The following CPT1A variants were observed in gnomAD, a reference collection of about 807,000 sequenced individuals.
CPT1A encodes the protein carnitine palmitoyltransferase 1A.
A neutral mutation model predicts 100.8 loss-of-function variants in CPT1A; 64 were observed. The observed-to-expected ratio is 0.63, with a 90% CI of 0.52 to 0.78. The LOEUF is 0.78. Ranked by LOEUF, CPT1A falls within the 30% of genes least tolerant of loss-of-function variation. The pLI is 0.00. For synonymous variants in CPT1A, 363 were observed against 396.0 expected (o/e 0.92, Z 0.99); for missense variants, 802 against 1,034.1 (o/e 0.78, Z 3.08).
At chr11:68,792,207 G>A (rs888962379) in intron 9 of CPT1A, among the ~76,000 whole-genome samples, 1 of 152,054 alleles carries the variant, frequency 6.6e-6, no homozygotes, top group Non-Finnish European at 1.5e-5. Context: ...CGTGGTGGCA[G>A]ACACCTATAG....
In CPT1A at chr11:68,788,170, G is replaced by A. The variant is rs560863515; in HGVS notation, c.968-3160C>T. Among the ~76,000 whole-genome samples the A allele has an allele frequency of 5.3e-5, 8 of 152,208 alleles. No homozygotes were observed. The South Asian group carries it at 6.2e-4, about 12-fold the overall frequency. ...TATGGTGGCCTGGGCAAACTTACACGCTGCATAACCAACACCTTGAAAATA... is the reference window on the plus strand; with the variant it reads ...TATGGTGGCCTGGGCAAACTTACACACTGCATAACCAACACCTTGAAAATA... On this transcript the variant is annotated intron_variant, in intron 9 of 18. Coordinates refer to ENST00000265641, the MANE Select transcript of CPT1A (RefSeq NM_001876.4).
At chr11:68,801,920 T>A (rs1427615048) in intron 5 of CPT1A, among the ~76,000 whole-genome samples, 2 of 152,096 alleles carry the variant, frequency 1.3e-5, no homozygotes, top group Admixed American at 6.6e-5. Context: ...AACAGGTGGA[T>A]AAACTGTGGT....
chr11:68,785,832 G>A lies in CPT1A; in HGVS notation c.968-822C>T, dbSNP rs187610458. 4.1e-4 allele frequency: 223 copies of A among 544,766 alleles called. 2 individuals carry two copies. Among genetic ancestry groups the A allele is most frequent in the Non-Finnish European group, 1.0e-4 (31 of 307,790 alleles). The allele number at this position is 544,766 out of a possible 1,614,324, so 33.7% of individuals were successfully genotyped here. A position where few individuals can be genotyped will look rare whatever the true frequency, so the allele number is the denominator to read the frequency against. On this transcript the variant is annotated intron_variant, in intron 9 of 18. Coordinates refer to ENST00000265641, the MANE Select transcript of CPT1A (RefSeq NM_001876.4). ...TTCCGATAATTGTTTCTGAGAACCCGAGAAATGTTCTGAGAAAGAAAGTGG... is the reference window on the plus strand; with the variant it reads ...TTCCGATAATTGTTTCTGAGAACCCAAGAAATGTTCTGAGAAAGAAAGTGG...
intron 6 of CPT1A, among the ~76,000 whole-genome samples, chr11:68,798,928 G>A (rs749589160): frequency 1.1e-4 from 16 of 151,962 alleles, no homozygotes; most frequent in African/African-American, 3.9e-4. Context: ...TTGGGAGGCC[G>A]AGGTGGGAGG....
Position 68,761,684 on chromosome 11 carries a change from C to A in CPT1A, c.1879G>T (p.Glu627Ter). 2 of 1,614,158 alleles carry A rather than the reference C, an allele frequency of 1.2e-6. No individual in the cohort carries two copies. Among genetic ancestry groups the A allele is most frequent in the Non-Finnish European group, 8.5e-7 (1 of 1,180,026 alleles). Residue 627 changes from glutamate (E) to a stop codon, truncating the protein, a stop_gained, in exon 16 of 19, where the codon GAA becomes TAA. Coordinates refer to ENST00000265641, the MANE Select transcript of CPT1A (RefSeq NM_001876.4). LOFTEE classifies it high-confidence loss of function. Reference protein sequence around the residue: ...RAMVDPAQTVEQRLKLFKLAS... With the variant: ...RAMVDPAQTV ...AACTTGAACAACTTCAGCCTCTGTT[C>A]CACCTGAGTGACAAAAGGTGGGAAG...
chr11:68,843,133 C>T (rs1857192255), upstream of CPT1A, among the ~76,000 whole-genome samples: 1 of 152,014 alleles, frequency 6.6e-6, no homozygotes, highest in African/African-American at 2.4e-5. This position sits in a 1 kb window ranked among gnomAD's most constrained non-coding sequence, Gnocchi z 4.0. Context: ...CGCCCCCCAC[C>T]ACCGCTGCAG....
At chr11:68,779,063 C>T (rs1855226203) in intron 12 of CPT1A, among the ~76,000 whole-genome samples, 1 of 152,080 alleles carries the variant, frequency 6.6e-6, no homozygotes, top group Non-Finnish European at 1.5e-5. Flanking sequence ...GGATTACAGG[C>T]GTGAGCCACC....
chr11:68,808,344 T>C (rs1856106147), intron 3 of CPT1A, among the ~76,000 whole-genome samples: 1 of 151,640 alleles, frequency 6.6e-6, no homozygotes, highest in Admixed American at 6.6e-5. Context: ...ATGGTAAAGA[T>C]GGGACTTTAA....
chr11:68,764,750 A>G (rs1854738412), intron 14 of CPT1A, among the ~76,000 whole-genome samples: 1 of 152,244 alleles, frequency 6.6e-6, no homozygotes, highest in African/African-American at 2.4e-5. Flanking sequence ...AAGCGTCCAG[A>G]ACCAGTGAAA....
chr11:68,841,827 CGGCGGT>C lies in CPT1A; in HGVS notation c.-72_-67del, dbSNP rs1345726725. 1.0e-6 allele frequency: 1 copy of C among 999,016 alleles called. No homozygotes were observed. The allele number at this position is 999,016 out of a possible 1,614,324, so 61.9% of individuals were successfully genotyped here. On this transcript the variant is annotated 5_prime_UTR_variant, in exon 1 of 19. Transcript: ENST00000265641. The surrounding 1 kb of genome is among the most constrained non-coding windows in gnomAD (Gnocchi z 6.3). ...GCAGCGGCAGCGGCGGCGGCGGCGG[CGGCGGT>C]GGAGTGAACGAGCGGCGAGCGGGAG...
chr11:68,808,373 CTT>C (rs34991663), intron 3 of CPT1A, among the ~76,000 whole-genome samples: 6 of 140,196 alleles, frequency 4.3e-5, no homozygotes, highest in African/African-American at 7.8e-5. Context: ...TGAAATTCAG[CTT>C]TTTTTTTTTT....
intron 6 of CPT1A, 50 bp downstream of exon 6, chr11:68,799,168 G>C: frequency 3.3e-6 from 3 of 904,510 alleles, no homozygotes; most frequent in Non-Finnish European, 3.2e-6. Context: ...CAAAATTAGC[G>C]TCTTCATACG....
At chr11:68,787,670 G>A (rs528848719) in intron 9 of CPT1A, among the ~76,000 whole-genome samples, 13 of 151,482 alleles carry the variant, frequency 8.6e-5, no homozygotes, top group Non-Finnish European at 2.9e-5. Context: ...GGTTGGGTGC[G>A]GTGGCTCACG....
Position 68,761,640 on chromosome 11 carries a change from C to T in CPT1A, c.1923G>A (p.Gln641=), listed in dbSNP as rs1189618879. Residue 641 remains glutamine (Q), a synonymous_variant, in exon 16 of 19, where the codon CAG becomes CAA. Coordinates refer to ENST00000265641, the MANE Select transcript of CPT1A (RefSeq NM_001876.4). The part of the protein sequence containing the change: ...KLFKLASEKH[Q]HMYRLAMTGS... Reference sequence around the variant, plus strand: ...CGGTCATGGCGAGGCGATACATATGCTGATGCTTCTCAGACGCCAACTTGA... The same window carrying T: ...CGGTCATGGCGAGGCGATACATATGTTGATGCTTCTCAGACGCCAACTTGA... 4 of 1,614,168 alleles carry T rather than the reference C, an allele frequency of 2.5e-6. No homozygotes were observed. Among genetic ancestry groups the T allele is most frequent in the Non-Finnish European group, 8.5e-7 (1 of 1,180,026 alleles).
At chr11:68,824,563 T>C (rs1431450982) in intron 1 of CPT1A, among the ~76,000 whole-genome samples, 1 of 152,178 alleles carries the variant, frequency 6.6e-6, no homozygotes, top group Non-Finnish European at 1.5e-5. Context: ...TATTACAAGA[T>C]ATTGTGGTTA....
At chr11:68,799,152 G>T (rs1332431302) in intron 6 of CPT1A, 66 bp downstream of exon 6, 5 of 1,433,064 alleles carry the variant, frequency 3.5e-6, no homozygotes, top group Non-Finnish European at 4.9e-6. Context: ...TGTTATCCCT[G>T]CCCCTCAAAA....
At chr11:68,842,306 C>A (rs1240676933), upstream of CPT1A, among the ~76,000 whole-genome samples, 1 of 152,134 alleles carries the variant, frequency 6.6e-6, no homozygotes, top group African/African-American at 2.4e-5. Context: ...TACCCCACAT[C>A]ACCGAGCTGA....
intron 1 of CPT1A, among the ~76,000 whole-genome samples, chr11:68,817,510 G>C (rs1318735218): frequency 1.3e-5 from 2 of 152,186 alleles, no homozygotes; most frequent in East Asian, 3.8e-4. Context: ...CGCAGGAGCA[G>C]TGCTCTGGTG....
chr11:68,836,757 G>C (rs190577724), intron 1 of CPT1A, among the ~76,000 whole-genome samples: 1 of 151,680 alleles, frequency 6.6e-6, no homozygotes, highest in East Asian at 1.9e-4. Context: ...GGGCAACAGA[G>C]TGAGATTTCC....
Sources: gnomAD v4.1 joint callset for allele counts (sites outside exome capture counted in the v4.1 genomes callset) on GRCh38, gnomAD v4.1.1 for gene constraint, Gnocchi (gnomAD v3.1) non-coding constraint, MANE v1.5 for transcripts, NCBI Gene and HGNC (gene_info 2026-07-23, HGNC 2026-07-21) for gene names.